MCC: variants seen among roughly 807,000 people sequenced by gnomAD.
MCC encodes the protein colorectal mutant cancer protein.
Under a neutral mutation model 116.2 loss-of-function variants are expected in MCC, and 90 were observed. The observed-to-expected ratio is 0.77, with a 90% CI of 0.65 to 0.92. MCC has a LOEUF of 0.92. Among genes scored for constraint, MCC ranks in the 40% least tolerant of loss-of-function variants. The probability of loss-of-function intolerance (pLI) is 0.00; values close to 1 mark genes in which losing one functional copy is unlikely to be tolerated. For missense variants in MCC, 1,516 were observed against 1,312.2 expected, an observed-to-expected ratio of 1.16 and a Z score of -2.40; for synonymous variants, 578 against 510.5, an observed-to-expected ratio of 1.13 and a Z score of -1.78.
chr5:113,468,148 CT>C (rs1257539292), intron 1 of MCC, among the ~76,000 whole-genome samples: 2 of 152,168 alleles, frequency 1.3e-5, no homozygotes, highest in South Asian at 4.1e-4. Context: ...CTGACTTCCT[CT>C]TTTCCTAATT....
intron 1 of MCC, among the ~76,000 whole-genome samples, chr5:113,412,347 A>C (rs1227322579): frequency 6.6e-6 from 1 of 152,174 alleles, no homozygotes; most frequent in East Asian, 1.9e-4. Flanking sequence ...CATTGAATCT[A>C]TAAATTACCT....
intron 6 of MCC, among the ~76,000 whole-genome samples, chr5:113,121,186 T>C (rs1757713994): frequency 1.3e-5 from 2 of 152,348 alleles, no homozygotes; most frequent in Admixed American, 6.5e-5. Flanking sequence ...TCTAGAGTTC[T>C]GCAATAGTTT....
chr5:113,067,373 C>T (rs987895810), intron 13 of MCC, among the ~76,000 whole-genome samples: 13 of 152,192 alleles, frequency 8.5e-5, no homozygotes, highest in African/African-American at 2.2e-4. Flanking sequence ...AAAAGCCGGG[C>T]GCAGTGGCTC....
chr5:113,311,610 A>G (rs1767135660), intron 3 of MCC, among the ~76,000 whole-genome samples: 8 of 152,222 alleles, frequency 5.3e-5, no homozygotes, highest in Admixed American at 5.2e-4. Context: ...TGTCACTGAT[A>G]TAGTCTTTTA....
chr5:113,075,034 T>C (rs1185698836), intron 11 of MCC, among the ~76,000 whole-genome samples: 1 of 152,158 alleles, frequency 6.6e-6, no homozygotes, highest in Non-Finnish European at 1.5e-5. Flanking sequence ...GCCAGCTCCC[T>C]CTGCTTGATG....
chr5:113,418,219 T>G (rs1053769644), intron 1 of MCC, among the ~76,000 whole-genome samples: 1 of 151,814 alleles, frequency 6.6e-6, no homozygotes, highest in Non-Finnish European at 1.5e-5. Flanking sequence ...CCCGTTTAAA[T>G]AGGGGTACAC....
chr5:113,380,231 C>T (rs1027693968), intron 2 of MCC, among the ~76,000 whole-genome samples: 1 of 152,206 alleles, frequency 6.6e-6, no homozygotes, highest in African/African-American at 2.4e-5. Context: ...AACAGCACAA[C>T]ATTCTTTCTA....
At chr5:113,163,505 T>TC (rs953880687) in intron 3 of MCC, among the ~76,000 whole-genome samples, 6 of 151,270 alleles carry the variant, frequency 4.0e-5, no homozygotes, top group Non-Finnish European at 8.8e-5. Context: ...CCTCCTTTTT[T>TC]CCTGTAACCC....
intron 3 of MCC, among the ~76,000 whole-genome samples, chr5:113,225,672 C>G (rs1310119654): frequency 6.6e-6 from 1 of 152,172 alleles, no homozygotes; most frequent in Admixed American, 6.5e-5. Context: ...CCCAGGAAAC[C>G]TATACCAGGC....
At chr5:113,461,621 T>C (rs1771745477) in intron 1 of MCC, among the ~76,000 whole-genome samples, 1 of 151,978 alleles carries the variant, frequency 6.6e-6, no homozygotes, top group Admixed American at 6.6e-5. Context: ...CAGTGAGTTA[T>C]GATCATGCCA....
At chr5:113,414,469 A>G (rs1325969318) in intron 1 of MCC, among the ~76,000 whole-genome samples, 9 of 152,164 alleles carry the variant, frequency 5.9e-5, no homozygotes. Flanking sequence ...GAGTGCATAT[A>G]TATTTAGGAC....
chr5:113,333,900 TATAA>T (rs1350511428), intron 3 of MCC, among the ~76,000 whole-genome samples: 1 of 114,094 alleles, frequency 8.8e-6, no homozygotes, highest in Non-Finnish European at 1.8e-5. Context: ...TATATATCTA[TATAA>T]ATACATTATA....
intron 2 of MCC, among the ~76,000 whole-genome samples, chr5:113,371,117 T>C (rs1768827701): frequency 6.6e-6 from 1 of 151,990 alleles, no homozygotes; most frequent in South Asian, 2.1e-4. Flanking sequence ...GCTACTTGGG[T>C]GGCTGAGACA....
intron 1 of MCC, among the ~76,000 whole-genome samples, chr5:113,482,779 C>T (rs1381019823): frequency 6.6e-6 from 1 of 151,968 alleles, no homozygotes; most frequent in African/African-American, 2.4e-5. Flanking sequence ...ACAATTTTTT[C>T]TTTTGTAGCT....
rs769430878 is a variant in MCC at position 113,053,780 on chromosome 5, C to T, written c.2393G>A (p.Ser798Asn). 3.1e-6 allele frequency: 5 copies of T among 1,613,798 alleles called. No individual in the cohort carries two copies. Among genetic ancestry groups the T allele is most frequent in the Non-Finnish European group, 3.4e-6 (4 of 1,179,818 alleles). ...TGCGTTTTCCAGATCCAGCCTCTGG[C>T]TGTCTCCCCGAGGCTTGACGTCATA... ...LSYDVKPRGD[S>N]QRLDLENAVL... is the part of the protein sequence containing the mutation. Residue 798 changes from serine to asparagine, a missense_variant, in exon 15 of 19, where the codon AGC becomes AAC. Physicochemically the swap from Ser to Asn is conservative, Grantham distance 46. Coordinates refer to ENST00000408903, the MANE Select transcript of MCC (RefSeq NM_001085377.2).
chr5:113,275,536 C>T (rs1304137149), intron 3 of MCC, among the ~76,000 whole-genome samples: 1 of 152,178 alleles, frequency 6.6e-6, no homozygotes, highest in Non-Finnish European at 1.5e-5. Context: ...AAGCTTCCTA[C>T]ATTAGATTGG....
chr5:113,197,834 CA>C (rs1327741932), intron 3 of MCC, among the ~76,000 whole-genome samples: 1 of 152,204 alleles, frequency 6.6e-6, no homozygotes, highest in Non-Finnish European at 1.5e-5. Flanking sequence ...CCAAGGTGGC[CA>C]ACTCCAGAGC....
At chr5:113,446,171 C>T (rs149476392) in intron 1 of MCC, among the ~76,000 whole-genome samples, 1 of 152,246 alleles carries the variant, frequency 6.6e-6, no homozygotes, top group African/African-American at 2.4e-5. Context: ...TTAGGCAACA[C>T]CATTCTGAAC....
intron 12 of MCC, among the ~76,000 whole-genome samples, chr5:113,070,129 C>A (rs147468314): frequency 2.4e-4 from 37 of 152,304 alleles, no homozygotes; most frequent in African/African-American, 8.4e-4. Context: ...GCTTTGCTGT[C>A]TGTAAACCAG....
Sources: gnomAD v4.1 joint callset for allele counts (sites outside exome capture counted in the v4.1 genomes callset) on GRCh38, gnomAD v4.1.1 for gene constraint, MANE v1.5 for transcripts, NCBI Gene and HGNC (gene_info 2026-07-23, HGNC 2026-07-21) for gene names.